SAXO1: variants seen among roughly 807,000 people sequenced by gnomAD.
The protein encoded by SAXO1 is stabilizer of axonemal microtubules 1, also known as 4930500O09Rik.
Under a neutral mutation model 17.5 loss-of-function variants are expected in SAXO1, and 21 were observed. The observed-to-expected ratio is 1.20, with a 90% confidence interval of 0.85 to 1.72. SAXO1 has a LOEUF of 1.72. SAXO1 is among the 40% of genes most tolerant of loss of function. The pLI, the probability that SAXO1 is intolerant of heterozygous loss-of-function variation, is 0.00. For missense variants in SAXO1, 843 were observed against 596.0 expected, an observed-to-expected ratio of 1.41 and a Z score of -4.32; for synonymous variants, 274 against 216.5, an observed-to-expected ratio of 1.27 and a Z score of -2.33.
chr9:18,958,969 T>C (rs576994567), intron 1 of SAXO1, among the ~76,000 whole-genome samples: 2 of 152,196 alleles, frequency 1.3e-5, no homozygotes, highest in Non-Finnish European at 2.9e-5. Context: ...GAAAACTCTG[T>C]CACAGGGATC....
At chr9:18,975,973 C>CGGCACTA (rs1833134315) in intron 1 of SAXO1, among the ~76,000 whole-genome samples, 1 of 152,138 alleles carries the variant, frequency 6.6e-6, no homozygotes, top group South Asian at 2.1e-4. Flanking sequence ...TTTAGCACCT[C>CGGCACTA]GGCACTACTA....
At chr9:18,965,529 T>C (rs1035694311) in intron 1 of SAXO1, among the ~76,000 whole-genome samples, 2 of 152,238 alleles carry the variant, frequency 1.3e-5, no homozygotes, top group Non-Finnish European at 2.9e-5. Flanking sequence ...TTGATCTTTG[T>C]TGATTTAAAG....
rs201402571 is a variant in SAXO1, at chr9:19,038,337, C to G, written c.-158+10872G>C. ...GTTTATTGCAGCACTATTCACAATACCAAAGACTTGGAACCAACCCAAATG... is the reference window on the plus strand; with the variant it reads ...GTTTATTGCAGCACTATTCACAATAGCAAAGACTTGGAACCAACCCAAATG... On this transcript the variant is annotated intron_variant, in intron 1 of 3. Coordinates refer to the SAXO1 transcript ENST00000542071. 6.6e-5 allele frequency among the ~76,000 whole-genome samples: 10 copies of G among 151,884 alleles called. No individual in the cohort carries two copies. In the East Asian group the frequency reaches 7.7e-4, roughly 12 times the overall value.
intron 3 of SAXO1, among the ~76,000 whole-genome samples, chr9:18,934,085 A>T (rs1048185520): frequency 6.6e-6 from 1 of 152,146 alleles, no homozygotes; most frequent in Non-Finnish European, 1.5e-5. Flanking sequence ...TCATTTTTCT[A>T]TATGTGATGA....
intron 1 of SAXO1, among the ~76,000 whole-genome samples, chr9:19,019,910 T>G (rs1835153373): frequency 6.6e-6 from 1 of 151,984 alleles, no homozygotes; most frequent in Admixed American, 6.6e-5. Context: ...ACTACAGCAT[T>G]CAAATACTAC....
chr9:18,950,648 G>A lies in SAXO1; in HGVS notation c.218+110C>T, dbSNP rs542277320. The A allele has an allele frequency of 8.0e-5, 70 of 877,658 alleles. No individual in the cohort carries two copies. The African/African-American group carries it at 9.7e-4, about 12-fold the overall frequency. The allele number at this position is 877,658 out of a possible 1,614,324, so 54.4% of individuals were successfully genotyped here. ...GGCATTAATATCATATGTTGATACT[G>A]CACATTAATGCATTAGCACTGCACA... On this transcript the variant is annotated intron_variant, in intron 2 of 3. Coordinates refer to ENST00000380534, the MANE Select transcript of SAXO1 (RefSeq NM_153707.4).
chr9:19,029,657 T>C (rs902709071), intron 1 of SAXO1, among the ~76,000 whole-genome samples: 6 of 152,172 alleles, frequency 3.9e-5, no homozygotes, highest in Non-Finnish European at 7.4e-5. Flanking sequence ...AACAGAACTT[T>C]CCGCAGTGAT....
At chr9:18,983,307 G>A (rs1170722454) in intron 1 of SAXO1, among the ~76,000 whole-genome samples, 2 of 152,052 alleles carry the variant, frequency 1.3e-5, no homozygotes, top group Non-Finnish European at 2.9e-5. Flanking sequence ...GGGGGTAACT[G>A]CCAAACACTT....
At chr9:18,982,631 G>T (rs535566675) in intron 1 of SAXO1, among the ~76,000 whole-genome samples, 15 of 152,310 alleles carry the variant, frequency 9.8e-5, no homozygotes, top group African/African-American at 3.1e-4. Context: ...AGAGCAATAA[G>T]CTGAGGCTGA....
intron 1 of SAXO1, among the ~76,000 whole-genome samples, chr9:18,986,822 A>T (rs531528416): frequency 8.3e-4 from 127 of 152,358 alleles, no homozygotes; most frequent in Non-Finnish European, 1.3e-3. Flanking sequence ...TAGGTTGTAT[A>T]TTCATTTTGA....
At chr9:19,005,840 C>A (rs554810494) in intron 1 of SAXO1, among the ~76,000 whole-genome samples, 33 of 152,152 alleles carry the variant, frequency 2.2e-4, no homozygotes, top group South Asian at 1.7e-3. Flanking sequence ...AAGCTACAGG[C>A]TGGGAAAAAA....
chr9:18,936,821 G>A (rs1342953472), intron 3 of SAXO1, among the ~76,000 whole-genome samples: 1 of 152,198 alleles, frequency 6.6e-6, no homozygotes, highest in East Asian at 1.9e-4. Flanking sequence ...CAATTGCACA[G>A]TGTTTTGAAA....
At position 18,928,200 on chromosome 9, in the gene SAXO1, T is replaced by G; in HGVS notation, c.1277A>C (p.Glu426Ala). The change falls in exon 4 of 4, where the codon GAG becomes GCG. Residue 426 changes from glutamate (E) to alanine (A), a missense_variant. By Grantham distance (107) the Glu-to-Ala change is moderately radical. Transcript: ENST00000380534. ...TTCCTCAAAGGTGTAGCCAGGAGGC[T>G]CAGGATATGAAGCTAGGCACCTGCC... is the stretch of plus-strand genomic sequence containing the variant. Reference protein sequence around the residue: ...EMGRCLASYPEPPGYTFEEVD... With the variant: ...EMGRCLASYPAPPGYTFEEVD... The G allele has an allele frequency of 1.9e-6, 3 of 1,614,144 alleles. No individual in the cohort carries two copies. The highest frequency in any genetic ancestry group is 2.5e-6 in the Non-Finnish European group (3 of 1,180,026).
rs1415554315 is a variant in SAXO1, at chr9:18,927,982, T to C, written c.*70A>G. 5 of 1,442,036 alleles carry C rather than the reference T, an allele frequency of 3.5e-6. No individual in the cohort carries two copies. In the African/African-American group the frequency reaches 7.1e-5, roughly 20 times the overall value. 89.3% of individuals were successfully genotyped at this position (1,442,036 alleles called of 1,614,324 possible). ...TGTCATTTTAGGGAATTCTTTTTTG[T>C]CCAACAAATAATTCTCAGTTGTCTG... is the stretch of plus-strand genomic sequence containing the variant. On this transcript the variant is annotated 3_prime_UTR_variant, in exon 4 of 4. Coordinates refer to ENST00000380534, the MANE Select transcript of SAXO1 (RefSeq NM_153707.4).
intron 1 of SAXO1, among the ~76,000 whole-genome samples, chr9:18,992,827 G>A (rs1281254664): frequency 6.6e-6 from 1 of 152,026 alleles, no homozygotes; most frequent in Non-Finnish European, 1.5e-5. Flanking sequence ...GGAGTGCAAT[G>A]GCATGATCTC....
At chr9:19,018,521 C>T (rs1469668204) in intron 1 of SAXO1, among the ~76,000 whole-genome samples, 2 of 152,244 alleles carry the variant, frequency 1.3e-5, no homozygotes, top group Non-Finnish European at 2.9e-5. Flanking sequence ...AAAGTCAATA[C>T]ACGCTGTTGG....
chr9:18,994,202 G>A (rs1269556162), intron 1 of SAXO1, among the ~76,000 whole-genome samples: 2 of 152,174 alleles, frequency 1.3e-5, no homozygotes, highest in African/African-American at 4.8e-5. Flanking sequence ...CATGCCACCA[G>A]CAAGGGTAGC....
chr9:19,002,140 G>C (rs912273282), intron 1 of SAXO1, among the ~76,000 whole-genome samples: 8 of 152,174 alleles, frequency 5.3e-5, no homozygotes, highest in African/African-American at 1.9e-4. Flanking sequence ...AAACTATAAA[G>C]TCTGGAAGAA....
intron 1 of SAXO1, among the ~76,000 whole-genome samples, chr9:19,002,111 T>C (rs1428747941): frequency 6.6e-6 from 1 of 152,098 alleles, no homozygotes; most frequent in Non-Finnish European, 1.5e-5. Context: ...GAGAATACTA[T>C]AAACACCTCT....
Sources: allele counts gnomAD v4.1 joint callset (sites outside exome capture counted in the v4.1 genomes callset), GRCh38; gene constraint gnomAD v4.1.1; transcripts MANE v1.5; gene names NCBI Gene and HGNC (gene_info 2026-07-23, HGNC 2026-07-21).